SURF4: variants seen among roughly 807,000 people sequenced by gnomAD.
The protein encoded by SURF4 is surfeit 4.
In SURF4, 3 loss-of-function variants were observed where a neutral mutation model predicts 30.0. That is an observed-to-expected ratio of 0.10 (90% CI 0.05 to 0.26). The LOEUF is 0.26. SURF4 is among the 10% of genes least tolerant of loss of function. SURF4 has a pLI of 1.00. For synonymous variants in SURF4, 143 were observed against 139.9 expected, an observed-to-expected ratio of 1.02 and a Z score of -0.16; for missense variants, 217 against 350.8, an observed-to-expected ratio of 0.62 and a Z score of 3.05.
chr9:133,376,086 T>G (rs2130245086), upstream of SURF4: 9 of 1,192,508 alleles, frequency 7.5e-6, no homozygotes, highest in African/African-American at 4.8e-5. Flanking sequence ...TCGCTCCGCG[T>G]CGGCTGCGGC....
At chr9:133,365,132 T>C in intron 4 of SURF4, 106 bp from the exon 5 acceptor site, 1 of 1,099,912 alleles carries the variant, frequency 9.1e-7, no homozygotes, top group Non-Finnish European at 1.3e-6. Flanking sequence ...AGGCCCTTAC[T>C]TCCCTTTCTC....
At position 133,363,223 on chromosome 9, in the gene SURF4, G is replaced by A; in HGVS notation, c.*270C>T. ...GGACTGAGATGCCACAGCCAAGCGG[G>A]CTGTTCACTCCAAAGCCTCGGCGTG... is the stretch of plus-strand genomic sequence containing the variant. On this transcript the variant is annotated 3_prime_UTR_variant, in exon 6 of 6. Coordinates refer to ENST00000371989, the MANE Select transcript of SURF4 (RefSeq NM_033161.4). The surrounding 1 kb of genome is among the most constrained non-coding windows in gnomAD (Gnocchi z 4.3). 1 of 637,842 alleles carries A rather than the reference G, an allele frequency of 1.6e-6. No individual in the cohort carries two copies. Among genetic ancestry groups the A allele is most frequent in the Non-Finnish European group, 2.8e-6 (1 of 356,560 alleles). The allele number at this position is 637,842 out of a possible 1,614,324, so 39.5% of individuals were successfully genotyped here. A position where few individuals can be genotyped will look rare whatever the true frequency, so the allele number is the denominator to read the frequency against.
chr9:133,363,733 A>C lies in SURF4; in HGVS notation c.570T>G (p.Ala190=). Residue 190 remains alanine (A), a synonymous_variant, in exon 6 of 6, where the codon GCT becomes GCG. Transcript: ENST00000371989. The surrounding 1 kb of genome is among the most constrained non-coding windows in gnomAD (Gnocchi z 4.3). ...FSIVQNIVGT[A]LMILVAIGFK... is the part of the protein sequence containing the mutation. Reference sequence around the variant, plus strand: ...AACCAATGGCCACTAAAATCATCAGAGCTGTGCCCACGATGTTCTGGACAA... The same window carrying C: ...AACCAATGGCCACTAAAATCATCAGCGCTGTGCCCACGATGTTCTGGACAA... 6.2e-7 allele frequency: 1 copy of C among 1,614,224 alleles called. No individual in the cohort carries two copies. Among genetic ancestry groups the C allele is most frequent in the South Asian group, 1.1e-5 (1 of 91,086 alleles).
chr9:133,363,363 A>G lies in SURF4; in HGVS notation c.*130T>C. ...GTGTCTCTGCAAATAAAGTTCTCAA[A>G]ACATCTGTGCCTTTACCAAGGGAGG... On this transcript the variant is annotated 3_prime_UTR_variant, in exon 6 of 6. Transcript: ENST00000371989. The surrounding 1 kb of genome is among the most constrained non-coding windows in gnomAD (Gnocchi z 4.3). 1 of 1,447,718 alleles carries G rather than the reference A, an allele frequency of 6.9e-7. No homozygotes were observed. Among genetic ancestry groups the G allele is most frequent in the Non-Finnish European group, 9.6e-7 (1 of 1,045,582 alleles). 89.7% of individuals were successfully genotyped at this position (1,447,718 alleles called of 1,614,324 possible). A position where few individuals can be genotyped will look rare whatever the true frequency, so the allele number is the denominator to read the frequency against.
rs2130092186 is a variant in SURF4, at chr9:133,363,767, G to T, written c.544-8C>A. The T allele has an allele frequency of 2.5e-6, 4 of 1,613,566 alleles. No individual in the cohort carries two copies. Among genetic ancestry groups the T allele is most frequent in the Non-Finnish European group, 2.5e-6 (3 of 1,179,616 alleles). ...CACGATGTTCTGGACAATCTGCATA[G>T]GTTGAAACGTAAGAAATTCAAAATA... is the stretch of plus-strand genomic sequence containing the variant. On this transcript the variant is annotated splice_polypyrimidine_tract_variant and splice_region_variant and intron_variant, in intron 5 of 5. Coordinates refer to ENST00000371989, the MANE Select transcript of SURF4 (RefSeq NM_033161.4). This position sits in a 1 kb window ranked among gnomAD's most constrained non-coding sequence, Gnocchi z 4.3.
intron 4 of SURF4, 73 bp from the exon 5 acceptor site, chr9:133,365,099 G>GAGA (rs2130113840): frequency 1.1e-5 from 15 of 1,376,264 alleles, no homozygotes; most frequent in African/African-American, 2.9e-5. Flanking sequence ...CAGGTGCAGG[G>GAGA]AGACCTTGCT....
Position 133,363,879 on chromosome 9 carries a change from T to G in SURF4, c.544-120A>C. 7.9e-7 allele frequency: 1 copy of G among 1,264,610 alleles called. No homozygotes were observed. The highest frequency in any genetic ancestry group is 2.5e-5 in the East Asian group (1 of 40,388). The allele number at this position is 1,264,610 out of a possible 1,614,324, so 78.3% of individuals were successfully genotyped here. A position where few individuals can be genotyped will look rare whatever the true frequency, so the allele number is the denominator to read the frequency against. On this transcript the variant is annotated intron_variant, in intron 5 of 5. Transcript: ENST00000371989. The surrounding 1 kb of genome is among the most constrained non-coding windows in gnomAD (Gnocchi z 4.3). ...CTATCCATCAGGCTGATGTAGCTAC[T>G]GCTGAGACGGCTGCTGGTGCAAGTA...
chr9:133,363,353 A>C lies in SURF4; in HGVS notation c.*140T>G. ...CGATTCTCAGGTGTCTCTGCAAATA[A>C]AGTTCTCAAAACATCTGTGCCTTTA... On this transcript the variant is annotated 3_prime_UTR_variant, in exon 6 of 6. Coordinates refer to ENST00000371989, the MANE Select transcript of SURF4 (RefSeq NM_033161.4). This position sits in a 1 kb window ranked among gnomAD's most constrained non-coding sequence, Gnocchi z 4.3. 7.3e-7 allele frequency: 1 copy of C among 1,363,842 alleles called. No homozygotes were observed. Among genetic ancestry groups the C allele is most frequent in the South Asian group, 1.2e-5 (1 of 81,026 alleles). The allele number at this position is 1,363,842 out of a possible 1,614,324, so 84.5% of individuals were successfully genotyped here.
At chr9:133,372,089 T>A (rs2130194134) in intron 1 of SURF4, among the ~76,000 whole-genome samples, 2 of 152,240 alleles carry the variant, frequency 1.3e-5, no homozygotes, top group African/African-American at 4.8e-5. Context: ...TTAGTTTGGA[T>A]TGCTGAGTTC....
chr9:133,370,086 T>C (rs2130176342), intron 1 of SURF4, among the ~76,000 whole-genome samples: 9 of 152,234 alleles, frequency 5.9e-5, no homozygotes, highest in Non-Finnish European at 8.8e-5. Flanking sequence ...AGCCCAGCCA[T>C]GGGCTGCGGT....
intron 1 of SURF4, among the ~76,000 whole-genome samples, chr9:133,372,350 A>G (rs1043428441): frequency 3.9e-5 from 6 of 152,232 alleles, no homozygotes; most frequent in African/African-American, 1.4e-4. Context: ...CAGTCAACCA[A>G]GCAGTGAGGA....
intron 3 of SURF4, 81 bp downstream of exon 3, chr9:133,366,518 T>G: frequency 2.0e-6 from 3 of 1,483,386 alleles, no homozygotes; most frequent in Non-Finnish European, 2.8e-6. Context: ...GGAGTGACAC[T>G]GAACCCTCAA....
chr9:133,369,934 C>T (rs1837399812), intron 1 of SURF4, among the ~76,000 whole-genome samples: 1 of 152,200 alleles, frequency 6.6e-6, no homozygotes, highest in African/African-American at 2.4e-5. Flanking sequence ...ACTCCCAGGG[C>T]AGGGTGTGGG....
intron 1 of SURF4, among the ~76,000 whole-genome samples, chr9:133,372,969 A>G (rs1442236386): frequency 6.6e-6 from 1 of 152,224 alleles, no homozygotes; most frequent in African/African-American, 2.4e-5. Flanking sequence ...GCCACCACCT[A>G]GACGGACTCT....
upstream of SURF4, chr9:133,376,104 G>A (rs2119194996): frequency 1.3e-5 from 16 of 1,203,554 alleles, no homozygotes; most frequent in East Asian, 3.5e-5. Context: ...GGCTCCAGCG[G>A]CTGCCACGTA....
chr9:133,368,448 G>T (rs1031232756), intron 1 of SURF4, among the ~76,000 whole-genome samples: 1 of 152,238 alleles, frequency 6.6e-6, no homozygotes, highest in Admixed American at 6.5e-5. Flanking sequence ...AGGATCTGAC[G>T]TGGGGACTGT....
chr9:133,373,128 A>AGGGGCTGGG (rs1837604327), intron 1 of SURF4, among the ~76,000 whole-genome samples: 1 of 152,196 alleles, frequency 6.6e-6, no homozygotes, highest in Non-Finnish European at 1.5e-5. Context: ...GAGCAACACC[A>AGGGGCTGGG]GGGGCTGGGG....
At chr9:133,375,268 G>C in intron 1 of SURF4, 1 of 985,488 alleles carries the variant, frequency 1.0e-6, no homozygotes, top group Non-Finnish European at 1.2e-6. Flanking sequence ...GACTATCAGG[G>C]AGATAGGCTT....
rs201634970 is a variant in SURF4 at position 133,367,245 on chromosome 9, G to A, written c.235+14C>T. The A allele has an allele frequency of 7.4e-6, 12 of 1,612,312 alleles. No individual in the cohort carries two copies. The highest frequency in any genetic ancestry group is 5.0e-5 in the Admixed American group (3 of 59,990). On this transcript the variant is annotated intron_variant, in intron 2 of 5. Transcript: ENST00000371989. ...GACGCCCAGTGAATCCTGACCACCC[G>A]CAGAGCCACTCACTCAGCTGTCCCA...
Sources: allele counts gnomAD v4.1 joint callset (sites outside exome capture counted in the v4.1 genomes callset), GRCh38; gene constraint gnomAD v4.1.1; non-coding constraint Gnocchi (gnomAD v3.1); transcripts MANE v1.5; gene names NCBI Gene and HGNC (gene_info 2026-07-23, HGNC 2026-07-21).